SYT14: variants seen among roughly 807,000 people sequenced by gnomAD.
SYT14 encodes synaptotagmin-14.
In SYT14, 32 loss-of-function variants were observed where a neutral mutation model predicts 74.2. The observed-to-expected ratio is 0.43, with a 90% CI of 0.33 to 0.58. The LOEUF (loss-of-function observed/expected upper bound fraction) is 0.58. Among genes scored for constraint, SYT14 ranks in the 20% least tolerant of loss-of-function variants. SYT14 has a pLI of 0.05. For synonymous variants in SYT14, 298 were observed against 337.7 expected, an observed-to-expected ratio of 0.88 and a Z score of 1.29; for missense variants, 791 against 981.8, an observed-to-expected ratio of 0.81 and a Z score of 2.60.
chr1:209,995,738 A>G (rs1370500536), intron 2 of SYT14, among the ~76,000 whole-genome samples: 1 of 152,134 alleles, frequency 6.6e-6, no homozygotes, highest in Non-Finnish European at 1.5e-5. Flanking sequence ...TCAGTCATAA[A>G]ACAAATCTCA....
At chr1:210,099,163 A>T (rs151226814) in intron 6 of SYT14, among the ~76,000 whole-genome samples, 1 of 152,196 alleles carries the variant, frequency 6.6e-6, no homozygotes, top group African/African-American at 2.4e-5. Context: ...GCAAAGTGGT[A>T]TAGTTGAAAG....
chr1:210,129,419 A>G (rs2082630888), intron 7 of SYT14, among the ~76,000 whole-genome samples: 1 of 152,186 alleles, frequency 6.6e-6, no homozygotes. Context: ...CAGTGGCTAC[A>G]GGGATGGGAC....
At chr1:210,031,823 G>T (rs1325830595) in intron 5 of SYT14, among the ~76,000 whole-genome samples, 1 of 152,074 alleles carries the variant, frequency 6.6e-6, no homozygotes, top group African/African-American at 2.4e-5. Flanking sequence ...TTTGTGAAGA[G>T]CAAGGGGGCC....
intron 7 of SYT14, among the ~76,000 whole-genome samples, chr1:210,128,030 G>A (rs1028569209): frequency 6.6e-6 from 1 of 151,696 alleles, no homozygotes; most frequent in African/African-American, 2.4e-5. Flanking sequence ...ATCCATCTCA[G>A]TAAAATAAAA....
intron 2 of SYT14, among the ~76,000 whole-genome samples, chr1:209,968,174 C>G (rs1465557277): frequency 6.6e-6 from 1 of 152,046 alleles, no homozygotes; most frequent in Non-Finnish European, 1.5e-5. Flanking sequence ...AGAATGTAGC[C>G]TCATCTTAGG....
intron 1 of SYT14, among the ~76,000 whole-genome samples, chr1:209,943,899 G>T (rs529429708): frequency 1.3e-5 from 2 of 152,202 alleles, no homozygotes; most frequent in African/African-American, 4.8e-5. Context: ...TAGCTAAATT[G>T]GAACCTATCA....
chr1:210,163,032 G>GA (rs753285341), exon 10 of SYT14: 9 of 453,446 alleles, frequency 2.0e-5, no homozygotes, highest in Non-Finnish European at 8.8e-6. Flanking sequence ...TTGAAGAGGG[G>GA]ATGTAGATTT....
intron 2 of SYT14, among the ~76,000 whole-genome samples, chr1:209,987,546 C>G (rs1019392113): frequency 6.6e-6 from 1 of 152,168 alleles, no homozygotes; most frequent in African/African-American, 2.4e-5. Context: ...AGGACAGCAC[C>G]AAGCTGTAAA....
chr1:210,126,361 A>C (rs1342256010), intron 7 of SYT14, among the ~76,000 whole-genome samples: 5 of 151,384 alleles, frequency 3.3e-5, no homozygotes, highest in African/African-American at 1.2e-4. Flanking sequence ...AAAAAAATGC[A>C]TAGAAAGGTT....
At chr1:209,988,075 G>T (rs1228491338) in intron 2 of SYT14, among the ~76,000 whole-genome samples, 3 of 151,906 alleles carry the variant, frequency 2.0e-5, no homozygotes, top group Non-Finnish European at 2.9e-5. Context: ...CTTTTGTGGG[G>T]ACTTCAATTA....
intron 8 of SYT14, among the ~76,000 whole-genome samples, chr1:210,157,673 C>T (rs1367559647): frequency 3.3e-5 from 5 of 151,242 alleles, no homozygotes; most frequent in Admixed American, 1.3e-4. Flanking sequence ...ACCCAGGTGG[C>T]GGAGGTTGCA....
chr1:210,023,200 A>G (rs2080337828), intron 5 of SYT14, among the ~76,000 whole-genome samples: 1 of 152,224 alleles, frequency 6.6e-6, no homozygotes, highest in South Asian at 2.1e-4. Context: ...ACACTGCTAG[A>G]TACTGTGGAT....
intron 4 of SYT14, among the ~76,000 whole-genome samples, chr1:210,017,936 A>G (rs2102939042): frequency 6.6e-6 from 1 of 152,320 alleles, no homozygotes; most frequent in Admixed American, 6.5e-5. Context: ...TTGTAAAATA[A>G]CAAAAAGCAG....
At chr1:210,095,521 T>A (rs939831480) in intron 6 of SYT14, among the ~76,000 whole-genome samples, 1 of 152,236 alleles carries the variant, frequency 6.6e-6, no homozygotes, top group Non-Finnish European at 1.5e-5. Context: ...CCCAAAGTGC[T>A]GGGTTTGCAG....
chr1:209,976,634 A>T (rs2079370606), intron 2 of SYT14, among the ~76,000 whole-genome samples: 1 of 152,016 alleles, frequency 6.6e-6, no homozygotes, highest in Non-Finnish European at 1.5e-5. Flanking sequence ...CTATGTGGTC[A>T]ATTTTGGAAT....
intron 2 of SYT14, among the ~76,000 whole-genome samples, chr1:210,004,446 C>T (rs1363938507): frequency 6.6e-6 from 1 of 151,986 alleles, no homozygotes; most frequent in Non-Finnish European, 1.5e-5. Context: ...CACTGAAAGA[C>T]GTGTCATGGT....
chr1:210,034,063 A>T (rs2080600285), intron 5 of SYT14, among the ~76,000 whole-genome samples: 1 of 151,852 alleles, frequency 6.6e-6, no homozygotes, highest in South Asian at 2.1e-4. Context: ...TTTATGAATG[A>T]TTATGTGGTA....
intron 7 of SYT14, among the ~76,000 whole-genome samples, chr1:210,141,776 T>A (rs937916462): frequency 6.6e-6 from 1 of 152,222 alleles, no homozygotes; most frequent in Non-Finnish European, 1.5e-5. Flanking sequence ...GCCTTAACTT[T>A]CACTTTCTGC....
At chr1:210,096,137 G>A (rs2081962572) in intron 6 of SYT14, among the ~76,000 whole-genome samples, 1 of 152,166 alleles carries the variant, frequency 6.6e-6, no homozygotes, top group South Asian at 2.1e-4. Flanking sequence ...GAGTCAGAGA[G>A]CTAAACAATT....
Sources: allele counts gnomAD v4.1 joint callset (sites outside exome capture counted in the v4.1 genomes callset), GRCh38; gene constraint gnomAD v4.1.1; transcripts MANE v1.5; gene names NCBI Gene and HGNC (gene_info 2026-07-23, HGNC 2026-07-21).